The following WDR72 variants were observed in gnomAD, a reference collection of about 807,000 sequenced individuals.
WDR72 encodes the protein WD repeat domain 72, also known as WD repeat-containing protein 72.
Under a neutral mutation model 124.2 loss-of-function variants are expected in WDR72, and 120 were observed. The observed-to-expected ratio is 0.97, with a 90% CI of 0.83 to 1.12. WDR72 has a LOEUF of 1.12. WDR72 is among the 50% of genes most tolerant of loss of function. The pLI is 0.00. For synonymous variants in WDR72, 452 were observed against 441.7 expected (o/e 1.02, Z -0.29); for missense variants, 1,387 against 1,278.8 (o/e 1.08, Z -1.29).
chr15:53,717,781 A>C (rs2017754614), intron 3 of WDR72, among the ~76,000 whole-genome samples: 1 of 152,120 alleles, frequency 6.6e-6, no homozygotes, highest in African/African-American at 2.4e-5. Context: ...GTTGAGAAAT[A>C]ATATTCTAGA....
chr15:53,560,857 C>T (rs551813581), intron 18 of WDR72, among the ~76,000 whole-genome samples: 2 of 151,274 alleles, frequency 1.3e-5, no homozygotes, highest in East Asian at 2.0e-4. Context: ...CCAGCCCCGG[C>T]CCCCCAAAAA....
At chr15:53,659,867 T>A (rs2015551287) in intron 14 of WDR72, among the ~76,000 whole-genome samples, 1 of 152,156 alleles carries the variant, frequency 6.6e-6, no homozygotes. Context: ...CTAACGTTTA[T>A]TTCTTTATTC....
intron 1 of WDR72, among the ~76,000 whole-genome samples, chr15:53,758,183 T>C (rs2018964845): frequency 6.6e-6 from 1 of 152,032 alleles, no homozygotes; most frequent in African/African-American, 2.4e-5. Flanking sequence ...CTGATTTTTG[T>C]AGAGATGAAG....
At chr15:53,626,595 G>C (rs920390081) in intron 14 of WDR72, among the ~76,000 whole-genome samples, 4 of 152,196 alleles carry the variant, frequency 2.6e-5, no homozygotes, top group Non-Finnish European at 5.9e-5. Context: ...GACCCAAAGG[G>C]GGTTGCAGTT....
intron 18 of WDR72, among the ~76,000 whole-genome samples, chr15:53,548,582 A>G (rs1893591621): frequency 6.6e-6 from 1 of 152,210 alleles, no homozygotes; most frequent in South Asian, 2.1e-4. Context: ...GTTAAAAAGT[A>G]AAAGCTGAGG....
At chr15:53,621,433 A>ATT (rs1041625444) in intron 14 of WDR72, among the ~76,000 whole-genome samples, 1 of 128,884 alleles carries the variant, frequency 7.8e-6, no homozygotes, top group Non-Finnish European at 1.6e-5. Context: ...AAACTGTGAT[A>ATT]TATATATATA....
At chr15:53,637,802 T>G (rs1199742407) in intron 14 of WDR72, among the ~76,000 whole-genome samples, 1 of 152,182 alleles carries the variant, frequency 6.6e-6, no homozygotes, top group Non-Finnish European at 1.5e-5. Flanking sequence ...TGACTTTCTG[T>G]ATCATATTTT....
At chr15:53,683,881 T>C (rs1359780816) in intron 13 of WDR72, among the ~76,000 whole-genome samples, 13 of 152,106 alleles carry the variant, frequency 8.5e-5, no homozygotes. Context: ...CTGCTACCAT[T>C]GAGTAATTCA....
At chr15:53,533,062 G>C (rs1380812100) in intron 18 of WDR72, among the ~76,000 whole-genome samples, 2 of 152,080 alleles carry the variant, frequency 1.3e-5, no homozygotes, top group African/African-American at 4.8e-5. Context: ...GGTGCTTTCG[G>C]AAGGAGACGA....
intron 2 of WDR72, among the ~76,000 whole-genome samples, chr15:53,727,888 A>G (rs2018087827): frequency 6.6e-6 from 1 of 152,198 alleles, no homozygotes; most frequent in Admixed American, 6.5e-5. Context: ...AAATTCTACA[A>G]TCACACTTAG....
In WDR72 at chr15:53,710,852, A is replaced by G. The variant is rs1161591046; in HGVS notation, c.954+5T>C. The G allele has an allele frequency of 1.9e-6, 3 of 1,607,480 alleles. No individual in the cohort carries two copies. Among genetic ancestry groups the G allele is most frequent in the Non-Finnish European group, 2.6e-6 (3 of 1,174,046 alleles). On this transcript the variant is annotated splice_donor_5th_base_variant and intron_variant, in intron 9 of 19. Transcript: ENST00000360509. ...TTTGAGGCAGTCACTCTTTTCTTGCATTACCTTATTTTCCTGCACAGAAGT... is the reference window on the plus strand; with the variant it reads ...TTTGAGGCAGTCACTCTTTTCTTGCGTTACCTTATTTTCCTGCACAGAAGT...
rs891755947 is a variant in WDR72 at position 53,563,935 on chromosome 15, A to C, written c.3148+33144T>G. Reference sequence around the variant, plus strand: ...AAGCCGCTATGCTGTTCACAATAAGAAATTGTTGTCCGCTGAATTACAGGT... The same window carrying C: ...AAGCCGCTATGCTGTTCACAATAAGCAATTGTTGTCCGCTGAATTACAGGT... On this transcript the variant is annotated intron_variant, in intron 18 of 19. Transcript: ENST00000360509. Among the ~76,000 whole-genome samples the C allele has an allele frequency of 3.3e-5, 5 of 151,956 alleles. No individual in the cohort carries two copies. The South Asian group carries it at 6.2e-4, about 19-fold the overall frequency.
intron 13 of WDR72, among the ~76,000 whole-genome samples, chr15:53,672,983 T>C (rs2016045946): frequency 6.6e-6 from 1 of 151,972 alleles, no homozygotes; most frequent in Admixed American, 6.6e-5. Flanking sequence ...TAGCTGGGTA[T>C]GGTGGTGTAC....
chr15:53,609,747 C>A (rs997033015), intron 16 of WDR72, among the ~76,000 whole-genome samples, 155 bp from the exon 17 acceptor site: 2 of 151,882 alleles, frequency 1.3e-5, no homozygotes, highest in Admixed American at 6.6e-5. Flanking sequence ...TTTTACAGAT[C>A]CTGTGGTAGA....
chr15:53,612,366 G>C (rs1004516082), intron 16 of WDR72, among the ~76,000 whole-genome samples: 2 of 152,094 alleles, frequency 1.3e-5, no homozygotes, highest in African/African-American at 4.8e-5. Context: ...ATAGTGAAGA[G>C]GCTTATGGAG....
At chr15:53,684,130 G>A (rs1406215725) in intron 13 of WDR72, 2 of 152,116 alleles carry the variant, frequency 1.3e-5, no homozygotes, top group South Asian at 2.1e-4. Flanking sequence ...AAACATTGCA[G>A]GTATAATAGA....
intron 14 of WDR72, among the ~76,000 whole-genome samples, chr15:53,640,587 T>C (rs1436490609): frequency 1.3e-5 from 2 of 152,298 alleles, no homozygotes; most frequent in East Asian, 3.9e-4. Flanking sequence ...AATTTCAGGG[T>C]AAAAAGCTAT....
intron 13 of WDR72, among the ~76,000 whole-genome samples, chr15:53,668,094 A>G (rs1165690242): frequency 6.6e-6 from 1 of 152,192 alleles, no homozygotes; most frequent in Non-Finnish European, 1.5e-5. Context: ...GGCAAGAAAC[A>G]TCTGAAAACT....
intron 2 of WDR72, among the ~76,000 whole-genome samples, chr15:53,728,679 G>C (rs2018114221): frequency 6.6e-6 from 1 of 152,118 alleles, no homozygotes; most frequent in African/African-American, 2.4e-5. Context: ...TATCTGACAG[G>C]ATATTCACCA....
Sources: gnomAD v4.1 joint callset for allele counts (sites outside exome capture counted in the v4.1 genomes callset) on GRCh38, gnomAD v4.1.1 for gene constraint, MANE v1.5 for transcripts, NCBI Gene and HGNC (gene_info 2026-07-23, HGNC 2026-07-21) for gene names.